The following INO80D variants were observed in gnomAD, a reference collection of about 807,000 sequenced individuals.
The protein encoded by INO80D is INO80 complex subunit D.
A neutral mutation model predicts 87.6 loss-of-function variants in INO80D; 21 were observed. The observed-to-expected ratio is 0.24, with a 90% CI of 0.17 to 0.35. The LOEUF (loss-of-function observed/expected upper bound fraction) is 0.35, where lower values mean the gene tolerates loss of function less well. Ranked by LOEUF, INO80D falls within the 10% of genes least tolerant of loss-of-function variation. The pLI, the probability that INO80D is intolerant of heterozygous loss-of-function variation, is 1.00. For synonymous variants in INO80D, 440 were observed against 491.0 expected, an observed-to-expected ratio of 0.90 and a Z score of 1.37; for missense variants, 982 against 1,280.7, an observed-to-expected ratio of 0.77 and a Z score of 3.56.
intron 1 of INO80D, among the ~76,000 whole-genome samples, chr2:206,075,549 G>T (rs1690091096): frequency 6.6e-6 from 1 of 151,280 alleles, no homozygotes; most frequent in Non-Finnish European, 1.5e-5. Flanking sequence ...TGATTCTCCT[G>T]CCTCAGCTTC....
intron 5 of INO80D, among the ~76,000 whole-genome samples, chr2:206,042,942 C>T (rs1046275276): frequency 1.3e-5 from 2 of 152,100 alleles, no homozygotes; most frequent in African/African-American, 4.8e-5. Flanking sequence ...ACTGCACTCC[C>T]GCCTGGGTGA....
At chr2:206,061,082 C>T (rs1689678076) in intron 3 of INO80D, among the ~76,000 whole-genome samples, 1 of 152,030 alleles carries the variant, frequency 6.6e-6, no homozygotes, top group South Asian at 2.1e-4. Context: ...GGCACAATTA[C>T]TGTTCACTGC....
intron 5 of INO80D, among the ~76,000 whole-genome samples, chr2:206,035,689 C>G (rs370287229): frequency 4.6e-5 from 7 of 152,170 alleles, no homozygotes; most frequent in African/African-American, 1.7e-4. Context: ...TGACCAAGAA[C>G]CCAAAAGCAA....
intron 6 of INO80D, among the ~76,000 whole-genome samples, chr2:206,022,193 G>A (rs1470578141): frequency 2.0e-5 from 3 of 151,034 alleles, no homozygotes; most frequent in East Asian, 3.9e-4. Flanking sequence ...GTGAAACCCC[G>A]TCTCTACTAA....
intron 10 of INO80D, 101 bp downstream of exon 10, chr2:206,007,183 C>A: frequency 5.1e-6 from 5 of 976,974 alleles, no homozygotes; most frequent in Non-Finnish European, 6.2e-6. Context: ...AAAGACATTA[C>A]ATGTGAGGAG....
intron 8 of INO80D, among the ~76,000 whole-genome samples, chr2:206,013,095 A>G (rs1688221814): frequency 6.6e-6 from 1 of 152,012 alleles, no homozygotes; most frequent in African/African-American, 2.4e-5. Flanking sequence ...AAATTTGATT[A>G]GTATAATTTT....
At chr2:206,049,402 T>C (rs1379677543) in intron 4 of INO80D, among the ~76,000 whole-genome samples, 1 of 152,200 alleles carries the variant, frequency 6.6e-6, no homozygotes, top group East Asian at 1.9e-4. Flanking sequence ...TGTTGAAAGG[T>C]AAGGTCCTTC....
intron 5 of INO80D, among the ~76,000 whole-genome samples, chr2:206,028,644 C>T (rs540816661): frequency 6.6e-6 from 1 of 152,244 alleles, no homozygotes; most frequent in East Asian, 1.9e-4. Flanking sequence ...GAAAAAAATT[C>T]ATTTCTTTAC....
At chr2:206,045,617 G>A (rs535566916) in intron 5 of INO80D, among the ~76,000 whole-genome samples, 1 of 151,672 alleles carries the variant, frequency 6.6e-6, no homozygotes, top group East Asian at 1.9e-4. Flanking sequence ...CTTTTCCGAA[G>A]ACATAACATG....
chr2:206,004,546 T>C lies in INO80D; in HGVS notation c.2906A>G (p.Lys969Arg). ...TGCGCTGAACTGAGGGAGTTGCTGC[T>C]TGGGAGAGGTGGAGGCCATTAGTTC... ...SAELMASTSP[K>R]QQLPQFSAAF... is the part of the protein sequence containing the mutation. Residue 969 changes from lysine to arginine, a missense_variant, in exon 11 of 11, where the codon AAG (lysine) becomes AGG (arginine). Lys to Arg is a conservative substitution (Grantham distance 26, BLOSUM62 2). Transcript: ENST00000403263. This position sits in a 1 kb window ranked among gnomAD's most constrained non-coding sequence, Gnocchi z 4.9. The C allele has an allele frequency of 6.2e-7, 1 of 1,610,874 alleles. No individual in the cohort carries two copies. The highest frequency in any genetic ancestry group is 8.5e-7 in the Non-Finnish European group (1 of 1,178,674).
intron 5 of INO80D, among the ~76,000 whole-genome samples, chr2:206,030,463 A>C (rs991255701): frequency 2.6e-4 from 17 of 65,038 alleles, no homozygotes; most frequent in African/African-American, 6.9e-4. Context: ...ACTTTGTCTC[A>C]AAAAAAAAAA....
At chr2:206,058,284 T>A (rs1689583809) in intron 3 of INO80D, among the ~76,000 whole-genome samples, 1 of 151,746 alleles carries the variant, frequency 6.6e-6, no homozygotes, top group African/African-American at 2.4e-5. Flanking sequence ...CCGGGCGTGG[T>A]GGCAGGAGCC....
At chr2:206,061,275 T>C (rs1689683862) in intron 3 of INO80D, among the ~76,000 whole-genome samples, 1 of 152,160 alleles carries the variant, frequency 6.6e-6, no homozygotes, top group African/African-American at 2.4e-5. Flanking sequence ...CCTCCAAAAG[T>C]GCTGGGATTA....
chr2:206,046,625 G>A lies in INO80D; in HGVS notation c.965-13C>T. Reference sequence around the variant, plus strand: ...GACCAGTCCAAACCTGGGTTAGACAGGAGATATTGCAAATTAGAAAAAGTT... The same window carrying A: ...GACCAGTCCAAACCTGGGTTAGACAAGAGATATTGCAAATTAGAAAAAGTT... On this transcript the variant is annotated splice_polypyrimidine_tract_variant and intron_variant, in intron 4 of 10. Transcript: ENST00000403263. 1.3e-6 allele frequency: 2 copies of A among 1,533,412 alleles called. No homozygotes were observed. Among genetic ancestry groups the A allele is most frequent in the Non-Finnish European group, 1.8e-6 (2 of 1,112,106 alleles). 95.0% of individuals were successfully genotyped at this position (1,533,412 alleles called of 1,614,324 possible).
intron 10 of INO80D, 32 bp downstream of exon 10, chr2:206,007,252 C>A: frequency 6.3e-7 from 1 of 1,587,484 alleles, no homozygotes; most frequent in Non-Finnish European, 8.6e-7. Context: ...ATTTTTAAAA[C>A]CAGTTTCCTT....
intron 4 of INO80D, among the ~76,000 whole-genome samples, chr2:206,047,554 A>G (rs912470785): frequency 6.6e-6 from 1 of 152,162 alleles, no homozygotes; most frequent in Non-Finnish European, 1.5e-5. Flanking sequence ...CACTAAAATG[A>G]TGTCAGAAAA....
rs1575869780 is a variant in INO80D at position 206,062,587 on chromosome 2, T to G, written c.218+212A>C. Among the ~76,000 whole-genome samples the G allele has an allele frequency of 6.6e-6, 1 of 152,132 alleles. No individual in the cohort carries two copies. Among genetic ancestry groups the G allele is most frequent in the African/African-American group, 2.4e-5 (1 of 41,434 alleles). On this transcript the variant is annotated intron_variant, in intron 3 of 10. Coordinates refer to ENST00000403263, the MANE Select transcript of INO80D (RefSeq NM_017759.5). This position sits in a 1 kb window ranked among gnomAD's most constrained non-coding sequence, Gnocchi z 4.6. ...ACATACTTTAAGTAATTCCCCAAAT[T>G]TATTACTCTATTTTAAAAAATTGCC... is the stretch of plus-strand genomic sequence containing the variant.
chr2:206,064,255 C>T (rs1689758517), intron 1 of INO80D, among the ~76,000 whole-genome samples: 1 of 152,158 alleles, frequency 6.6e-6, no homozygotes, highest in Admixed American at 6.6e-5. Flanking sequence ...CACTACCAAT[C>T]TACACGCAAA....
intron 8 of INO80D, 145 bp from the exon 9 acceptor site, chr2:206,009,939 A>T: frequency 4.8e-6 from 3 of 627,760 alleles, no homozygotes; most frequent in South Asian, 4.4e-5. Flanking sequence ...AATAATGAAG[A>T]CATCAAACTT....
Sources: allele counts gnomAD v4.1 joint callset (sites outside exome capture counted in the v4.1 genomes callset), GRCh38; gene constraint gnomAD v4.1.1; non-coding constraint Gnocchi (gnomAD v3.1); transcripts MANE v1.5; gene names NCBI Gene and HGNC (gene_info 2026-07-23, HGNC 2026-07-21).